EPS8: variants seen among roughly 807,000 people sequenced by gnomAD.
EPS8 encodes the protein EGFR pathway substrate 8, signaling adaptor.
In EPS8, 42 loss-of-function variants were observed where a neutral mutation model predicts 103.8. The observed-to-expected ratio is 0.40, with a 90% CI of 0.32 to 0.52. The LOEUF is 0.52. Ranked by LOEUF, EPS8 falls within the 20% of genes least tolerant of loss-of-function variation. The pLI is 0.40. For synonymous variants in EPS8, 344 were observed against 344.6 expected, an observed-to-expected ratio of 1.00 and a Z score of 0.02; for missense variants, 969 against 1,005.1, an observed-to-expected ratio of 0.96 and a Z score of 0.49.
In EPS8 at chr12:15,711,557, T is replaced by C. The variant is rs539082708; in HGVS notation, c.-21-28585A>G. Among the ~76,000 whole-genome samples, 3 of 152,262 alleles carry C rather than the reference T, an allele frequency of 2.0e-5. No homozygotes were observed. In the South Asian group the frequency reaches 6.2e-4, roughly 32 times the overall value. ...GGGAACAAAATATTTTACATACCAT[T>C]CCAAGAACATATATGGAGATTTACA... is the stretch of plus-strand genomic sequence containing the variant. On this transcript the variant is annotated intron_variant, in intron 1 of 20. Coordinates refer to ENST00000281172, the MANE Select transcript of EPS8 (RefSeq NM_004447.6).
At chr12:15,640,960 T>A in intron 16 of EPS8, 114 bp from the exon 17 acceptor site, 1 of 815,596 alleles carries the variant, frequency 1.2e-6, no homozygotes, top group South Asian at 1.7e-5. Flanking sequence ...TAACTCAGCA[T>A]CAACATAGTG....
rs975444776 is a variant in EPS8, at chr12:15,751,996, C to T, written c.-22+37165G>A. Among the ~76,000 whole-genome samples the T allele has an allele frequency of 3.3e-5, 5 of 152,032 alleles. No individual in the cohort carries two copies. Among genetic ancestry groups the T allele is most frequent in the African/African-American group, 9.7e-5 (4 of 41,372 alleles). On this transcript the variant is annotated intron_variant, in intron 1 of 20. Transcript: ENST00000281172. This position sits in a 1 kb window ranked among gnomAD's most constrained non-coding sequence, Gnocchi z 4.3. ...AGGTTTCTAAGGCCAAGGCAAAGTG[C>T]CAATACAGGAAATCAGTGACTGGAT...
chr12:15,634,377 T>C (rs895994927), intron 17 of EPS8, among the ~76,000 whole-genome samples: 2 of 152,320 alleles, frequency 1.3e-5, no homozygotes, highest in East Asian at 1.9e-4. Context: ...ATAGACCTCA[T>C]AGGAAATTTA....
In EPS8 at chr12:15,767,234, A is replaced by G; in HGVS notation, c.-22+21927T>C. Among the ~76,000 whole-genome samples the G allele has an allele frequency of 6.6e-6, 1 of 152,238 alleles. No individual in the cohort carries two copies. Among genetic ancestry groups the G allele is most frequent in the South Asian group, 2.1e-4 (1 of 4,834 alleles). On this transcript the variant is annotated intron_variant, in intron 1 of 20. Coordinates refer to ENST00000281172, the MANE Select transcript of EPS8 (RefSeq NM_004447.6). This position sits in a 1 kb window ranked among gnomAD's most constrained non-coding sequence, Gnocchi z 5.5. Reference sequence around the variant, plus strand: ...TATCAATGTTAATAAGAAGTTTACAAATTGGAAGGTAAATTAAATATGGAC... The same window carrying G: ...TATCAATGTTAATAAGAAGTTTACAGATTGGAAGGTAAATTAAATATGGAC...
intron 6 of EPS8, among the ~76,000 whole-genome samples, chr12:15,669,003 C>T (rs991557344): frequency 1.3e-5 from 2 of 152,152 alleles, no homozygotes; most frequent in Non-Finnish European, 2.9e-5. Flanking sequence ...AGATCTTCCT[C>T]CCTTAGCCAA....
intron 8 of EPS8, chr12:15,662,578 G>A (rs1945625280): frequency 2.0e-6 from 2 of 985,604 alleles, no homozygotes; most frequent in South Asian, 4.7e-5. Flanking sequence ...AAATTCTAGT[G>A]TAATTAAGCT....
At chr12:15,708,585 G>T (rs1946419820) in intron 1 of EPS8, among the ~76,000 whole-genome samples, 1 of 152,184 alleles carries the variant, frequency 6.6e-6, no homozygotes, top group South Asian at 2.1e-4. Flanking sequence ...ACTTTGTGTA[G>T]CCTAGGCAGC....
chr12:15,648,477 G>A (rs974009302), intron 14 of EPS8, among the ~76,000 whole-genome samples: 2 of 152,074 alleles, frequency 1.3e-5, no homozygotes, highest in East Asian at 3.8e-4. Context: ...GACAAAGCAG[G>A]TGACATTATC....
chr12:15,672,973 A>G (rs982892079), intron 3 of EPS8, among the ~76,000 whole-genome samples: 5 of 152,206 alleles, frequency 3.3e-5, no homozygotes, highest in South Asian at 2.1e-4. Context: ...CAAATACAAC[A>G]GTTGAAGATC....
intron 1 of EPS8, among the ~76,000 whole-genome samples, chr12:15,765,817 G>GTT (rs780224534): frequency 2.9e-4 from 41 of 140,618 alleles, no homozygotes; most frequent in Non-Finnish European, 3.1e-4. Context: ...TTTTTTTTTG[G>GTT]TTTTTTTTTT....
At chr12:15,768,320 C>T (rs975073850) in intron 1 of EPS8, among the ~76,000 whole-genome samples, 1 of 150,674 alleles carries the variant, frequency 6.6e-6, no homozygotes, top group Non-Finnish European at 1.5e-5. Flanking sequence ...CACCTGTAAT[C>T]CCAGCTACTC....
chr12:15,769,789 C>T lies in EPS8; in HGVS notation c.-22+19372G>A, dbSNP rs1287072039. ...AGAGCAAAATAAATTGGACACAGTA[C>T]AAAAATTTCCTGAACTTTCTGACCA... On this transcript the variant is annotated intron_variant, in intron 1 of 20. Coordinates refer to ENST00000281172, the MANE Select transcript of EPS8 (RefSeq NM_004447.6). The surrounding 1 kb of genome is among the most constrained non-coding windows in gnomAD (Gnocchi z 4.6). 6.6e-6 allele frequency among the ~76,000 whole-genome samples: 1 copy of T among 152,082 alleles called. No individual in the cohort carries two copies. The highest frequency in any genetic ancestry group is 2.4e-5 in the African/African-American group (1 of 41,418).
At chr12:15,658,347 C>A in intron 11 of EPS8, 150 bp downstream of exon 11, 1 of 685,388 alleles carries the variant, frequency 1.5e-6, no homozygotes, top group Admixed American at 2.9e-5. Context: ...TTAAAATTTG[C>A]TGTTTTAACT....
At position 15,736,406 on chromosome 12, in the gene EPS8, A is replaced by T. The variant is rs1050603158; in HGVS notation, c.-22+52755T>A. 1.3e-5 allele frequency among the ~76,000 whole-genome samples: 2 copies of T among 152,200 alleles called. No homozygotes were observed. The highest frequency in any genetic ancestry group is 2.9e-5 in the Non-Finnish European group (2 of 68,032). On this transcript the variant is annotated intron_variant, in intron 1 of 20. Transcript: ENST00000281172. This position sits in a 1 kb window ranked among gnomAD's most constrained non-coding sequence, Gnocchi z 4.2. ...TGTACAGAGGTTAATATAATAAAAAATCACTTGCCTGGAGGCCACACATAT... is the reference window on the plus strand; with the variant it reads ...TGTACAGAGGTTAATATAATAAAAATTCACTTGCCTGGAGGCCACACATAT...
Position 15,757,266 on chromosome 12 carries a change from T to C in EPS8, c.-22+31895A>G, listed in dbSNP as rs747510398. On this transcript the variant is annotated intron_variant, in intron 1 of 20. Coordinates refer to ENST00000281172, the MANE Select transcript of EPS8 (RefSeq NM_004447.6). The surrounding 1 kb of genome is among the most constrained non-coding windows in gnomAD (Gnocchi z 4.1). ...TCTTGACAAGAAACTTGGTGGAAGCTGATTCTATCCAAAATTAAACTTTCC... is the reference window on the plus strand; with the variant it reads ...TCTTGACAAGAAACTTGGTGGAAGCCGATTCTATCCAAAATTAAACTTTCC... Among the ~76,000 whole-genome samples, 3 of 152,184 alleles carry C rather than the reference T, an allele frequency of 2.0e-5. No homozygotes were observed. Among genetic ancestry groups the C allele is most frequent in the Non-Finnish European group, 2.9e-5 (2 of 68,042 alleles).
chr12:15,655,715 A>G (rs1330503910), intron 12 of EPS8, among the ~76,000 whole-genome samples: 1 of 152,254 alleles, frequency 6.6e-6, no homozygotes, highest in Admixed American at 6.5e-5. Context: ...AAATGAAAGA[A>G]AGTATAAATG....
chr12:15,756,853 C>T (rs1331532017), intron 1 of EPS8, among the ~76,000 whole-genome samples: 2 of 152,138 alleles, frequency 1.3e-5, no homozygotes, highest in African/African-American at 4.8e-5. Context: ...TAAGAGTGCA[C>T]TTAAAATGTG....
intron 17 of EPS8, 150 bp from the exon 18 acceptor site, chr12:15,631,814 G>T: frequency 3.3e-6 from 2 of 604,680 alleles, no homozygotes; most frequent in Non-Finnish European, 5.7e-6. Context: ...ATGGTATAAT[G>T]ACCATTAAAA....
chr12:15,783,783 A>C (rs1947283949), intron 1 of EPS8, among the ~76,000 whole-genome samples: 1 of 151,978 alleles, frequency 6.6e-6, no homozygotes, highest in South Asian at 2.1e-4. Flanking sequence ...CTCAGCACAC[A>C]GTACATGCTG....
Sources: allele counts gnomAD v4.1 joint callset (sites outside exome capture counted in the v4.1 genomes callset), GRCh38; gene constraint gnomAD v4.1.1; non-coding constraint Gnocchi (gnomAD v3.1); transcripts MANE v1.5; gene names NCBI Gene and HGNC (gene_info 2026-07-23, HGNC 2026-07-21).